Variants in PLXNC1 observed in about 807,000 individuals in gnomAD.
The protein encoded by PLXNC1 is plexin C1, also known as plexin-C1.
PLXNC1 carries 75 observed loss-of-function variants against 178.2 expected under a neutral mutation model. The ratio of observed to expected loss-of-function variants is 0.42; its 90% confidence interval spans 0.35 to 0.51. The LOEUF (loss-of-function observed/expected upper bound fraction) is 0.51, where lower values mean the gene tolerates loss of function less well. PLXNC1 is among the 20% of genes least tolerant of loss of function. The pLI is 0.02. For missense variants in PLXNC1, 1,503 were observed against 1,984.4 expected, an observed-to-expected ratio of 0.76 and a Z score of 4.61; for synonymous variants, 790 against 779.9, an observed-to-expected ratio of 1.01 and a Z score of -0.22.
intron 4 of PLXNC1, among the ~76,000 whole-genome samples, chr12:94,187,194 A>AGAGAGAGAG (rs1301534152): frequency 4.5e-4 from 66 of 147,168 alleles, no homozygotes; most frequent in African/African-American, 1.6e-3. Flanking sequence ...GAGAGAGAGA[A>AGAGAGAGAG]AAAAAAACCC....
rs1381866249 is a variant in PLXNC1 at position 94,279,516 on chromosome 12, A to G, written c.3642A>G (p.Ala1214=). ...VFEKIPENES[A]DVCRNISVNV... Reference sequence around the variant, plus strand: ...AAAAAATCCCGGAAAACGAGAGTGCAGATGTCTGTCGGAATATTTCAGTCA... The same window carrying G: ...AAAAAATCCCGGAAAACGAGAGTGCGGATGTCTGTCGGAATATTTCAGTCA... Residue 1214 remains alanine (A), a synonymous_variant, in exon 22 of 31, where the codon GCA becomes GCG. Transcript: ENST00000258526. The G allele has an allele frequency of 2.5e-6, 4 of 1,614,204 alleles. No homozygotes were observed. Among genetic ancestry groups the G allele is most frequent in the South Asian group, 2.2e-5 (2 of 91,084 alleles).
intron 4 of PLXNC1, among the ~76,000 whole-genome samples, chr12:94,190,956 C>T (rs371337684): frequency 5.9e-5 from 9 of 152,216 alleles, no homozygotes; most frequent in African/African-American, 2.2e-4. Flanking sequence ...CTTCAGTAGC[C>T]TCCCCTTACT....
chr12:94,201,256 G>A lies in PLXNC1; in HGVS notation c.1440-8334G>A, dbSNP rs540573897. Among the ~76,000 whole-genome samples the A allele has an allele frequency of 6.6e-5, 10 of 152,332 alleles. No homozygotes were observed. The East Asian group carries it at 7.7e-4, about 12-fold the overall frequency. ...GATTAAGAATCCCCCAAGAAGCCTC[G>A]AATTGTGTCTGCCTCCTTACATAGA... On this transcript the variant is annotated intron_variant, in intron 4 of 30. Transcript: ENST00000258526.
chr12:94,251,666 C>G (rs551884275), intron 15 of PLXNC1, 138 bp downstream of exon 15: 6 of 670,672 alleles, frequency 8.9e-6, no homozygotes, highest in South Asian at 1.7e-5. Context: ...CTTTGAGAAA[C>G]GAATAATAGG....
chr12:94,173,745 C>T (rs1230103226), intron 2 of PLXNC1, among the ~76,000 whole-genome samples: 1 of 152,140 alleles, frequency 6.6e-6, no homozygotes, highest in African/African-American at 2.4e-5. Flanking sequence ...CTTTCTAATA[C>T]TGGGGTATAA....
chr12:94,264,130 T>G (rs1309132990), intron 20 of PLXNC1, among the ~76,000 whole-genome samples: 4 of 152,050 alleles, frequency 2.6e-5, no homozygotes, highest in African/African-American at 7.2e-5. Flanking sequence ...TAATGTCCAT[T>G]GATTACGGAA....
chr12:94,163,259 GA>G (rs1961458129), intron 1 of PLXNC1, among the ~76,000 whole-genome samples: 1 of 152,098 alleles, frequency 6.6e-6, no homozygotes, highest in Admixed American at 6.5e-5. Flanking sequence ...TCCGGAGGCT[GA>G]GGCAGGAGAA....
At position 94,254,906 on chromosome 12, in the gene PLXNC1, G is replaced by T; in HGVS notation, c.2983+18G>T. 2 of 1,579,194 alleles carry T rather than the reference G, an allele frequency of 1.3e-6. No individual in the cohort carries two copies. Among genetic ancestry groups the T allele is most frequent in the South Asian group, 1.1e-5 (1 of 87,776 alleles). ...ACGTGACGGTAGGCTCCAAAATTGTGTTTGTAGAAAAACAAGCCTTTTATA... is the reference window on the plus strand; with the variant it reads ...ACGTGACGGTAGGCTCCAAAATTGTTTTTGTAGAAAAACAAGCCTTTTATA... On this transcript the variant is annotated intron_variant, in intron 16 of 30. Coordinates refer to ENST00000258526, the MANE Select transcript of PLXNC1 (RefSeq NM_005761.3).
At chr12:94,162,961 G>T (rs1961443990) in intron 1 of PLXNC1, among the ~76,000 whole-genome samples, 1 of 152,180 alleles carries the variant, frequency 6.6e-6, no homozygotes, top group Non-Finnish European at 1.5e-5. Context: ...AGTCAGGAAT[G>T]CTAGAAGTCC....
intron 11 of PLXNC1, among the ~76,000 whole-genome samples, chr12:94,242,190 TG>T (rs1487300828): frequency 6.6e-6 from 1 of 152,060 alleles, no homozygotes; most frequent in Non-Finnish European, 1.5e-5. Flanking sequence ...GAAATCATGG[TG>T]TTGGTAAGAT....
rs550745648 is a variant in PLXNC1, at chr12:94,208,269, G to A, written c.1440-1321G>A. 3.3e-5 allele frequency among the ~76,000 whole-genome samples: 5 copies of A among 152,322 alleles called. No individual in the cohort carries two copies. In the South Asian group the frequency reaches 1.0e-3, roughly 32 times the overall value. On this transcript the variant is annotated intron_variant, in intron 4 of 30. Coordinates refer to ENST00000258526, the MANE Select transcript of PLXNC1 (RefSeq NM_005761.3). ...GGTGGAACACAGATGTGCTTATTGG[G>A]AGCAGGGTTCCCCAAATGTCAGAAG...
chr12:94,203,084 G>A (rs192055198), intron 4 of PLXNC1, among the ~76,000 whole-genome samples: 1 of 152,124 alleles, frequency 6.6e-6, no homozygotes, highest in African/African-American at 2.4e-5. Context: ...GGTGAGAGGT[G>A]GGGGGTAAGC....
intron 3 of PLXNC1, among the ~76,000 whole-genome samples, chr12:94,181,833 G>A (rs1036608190): frequency 2.0e-5 from 3 of 152,002 alleles, no homozygotes; most frequent in African/African-American, 4.8e-5. Context: ...TTCAGAGGAG[G>A]GTGTGCTTGG....
intron 2 of PLXNC1, among the ~76,000 whole-genome samples, chr12:94,177,530 A>AG (rs1962144572): frequency 6.8e-6 from 1 of 146,546 alleles, no homozygotes; most frequent in African/African-American, 2.7e-5. Flanking sequence ...AGAGAGGGAG[A>AG]AAGAAAGAAA....
rs749773207 is a variant in PLXNC1 at position 94,278,164 on chromosome 12, A to G, written c.3598-1308A>G. 18 of 391,688 alleles carry G rather than the reference A, an allele frequency of 4.6e-5. 1 individual carries two copies. The Middle Eastern group carries it at 3.6e-3, about 79-fold the overall frequency. 24.3% of individuals were successfully genotyped at this position (391,688 alleles called of 1,614,324 possible). A position where few individuals can be genotyped will look rare whatever the true frequency, so the allele number is the denominator to read the frequency against. On this transcript the variant is annotated intron_variant, in intron 21 of 30. Transcript: ENST00000258526. ...TTAAAACCAAAAAAAACAAAACAAA[A>G]TTCCCATTACTTGATCATTTTACAT... is the stretch of plus-strand genomic sequence containing the variant.
intron 4 of PLXNC1, among the ~76,000 whole-genome samples, chr12:94,188,864 G>A (rs1962618433): frequency 6.6e-6 from 1 of 152,264 alleles, no homozygotes; most frequent in Non-Finnish European, 1.5e-5. Flanking sequence ...CCAAGCATGG[G>A]GAGGTGGCAG....
chr12:94,151,012 G>A (rs1350518126), intron 1 of PLXNC1: 1 of 152,186 alleles, frequency 6.6e-6, no homozygotes. Context: ...CTTCTCCGGA[G>A]GCCGTTTCCC....
chr12:94,152,510 G>A (rs1328077132), intron 1 of PLXNC1, among the ~76,000 whole-genome samples: 2 of 152,180 alleles, frequency 1.3e-5, no homozygotes, highest in Non-Finnish European at 2.9e-5. Flanking sequence ...TCATTTGATT[G>A]CATTTGTTCT....
intron 15 of PLXNC1, chr12:94,254,483 A>G (rs1964786421): frequency 7.6e-6 from 4 of 529,330 alleles, no homozygotes; most frequent in East Asian, 4.8e-5. Context: ...GTTTCAGCCA[A>G]CTGGGATCTT....
Sources: gnomAD v4.1 joint callset for allele counts (sites outside exome capture counted in the v4.1 genomes callset) on GRCh38, gnomAD v4.1.1 for gene constraint, MANE v1.5 for transcripts, NCBI Gene and HGNC (gene_info 2026-07-23, HGNC 2026-07-21) for gene names.